Variants in SBF2 observed in about 807,000 individuals in gnomAD.
The protein encoded by SBF2 is SET binding factor 2.
Under a neutral mutation model 225.2 loss-of-function variants are expected in SBF2, and 112 were observed. That is an observed-to-expected ratio of 0.50 (90% CI 0.43 to 0.58). The LOEUF (loss-of-function observed/expected upper bound fraction) is 0.58. Ranked by LOEUF, SBF2 falls within the 20% of genes least tolerant of loss-of-function variation. The pLI, the probability that SBF2 is intolerant of heterozygous loss-of-function variation, is 0.00. For synonymous variants in SBF2, 763 were observed against 773.3 expected (o/e 0.99, Z 0.22); for missense variants, 1,996 against 2,206.2 (o/e 0.90, Z 1.91).
chr11:9,808,665 G>A, intron 31 of SBF2: 2 of 462,350 alleles, frequency 4.3e-6, no homozygotes, highest in Admixed American at 3.4e-5. Context: ...CCGCAAGCCT[G>A]CATGGTACAT....
intron 2 of SBF2, among the ~76,000 whole-genome samples, chr11:10,128,788 G>C (rs527487537): frequency 6.6e-6 from 1 of 152,298 alleles, no homozygotes; most frequent in Non-Finnish European, 1.5e-5. Context: ...TAAAAGTTGT[G>C]AATTTAGAAA....
chr11:10,212,740 T>C (rs1174053686), intron 1 of SBF2, among the ~76,000 whole-genome samples: 4 of 152,220 alleles, frequency 2.6e-5, no homozygotes, highest in African/African-American at 9.6e-5. Context: ...ATGCCTATCT[T>C]GAGTCTGATG....
intron 6 of SBF2, 47 bp downstream of exon 6, chr11:10,028,405 T>C (rs1565150185): frequency 8.5e-7 from 1 of 1,170,652 alleles, no homozygotes; most frequent in Non-Finnish European, 1.3e-6. Context: ...AATCCTTTAA[T>C]CATAGGCTTC....
At chr11:10,227,195 G>A (rs1193562893) in intron 1 of SBF2, among the ~76,000 whole-genome samples, 1 of 151,918 alleles carries the variant, frequency 6.6e-6, no homozygotes, top group Non-Finnish European at 1.5e-5. Flanking sequence ...AAATTTGTTT[G>A]AGTTCATTGT....
intron 32 of SBF2, among the ~76,000 whole-genome samples, chr11:9,800,205 C>T (rs1398914365): frequency 6.6e-6 from 1 of 151,804 alleles, no homozygotes. Flanking sequence ...CCACTGCACT[C>T]CAGCCTCAGG....
At chr11:10,282,268 G>A (rs1335154689) in intron 1 of SBF2, among the ~76,000 whole-genome samples, 1 of 151,996 alleles carries the variant, frequency 6.6e-6, no homozygotes. Context: ...TTAGTTTCCA[G>A]GCTGCCACTG....
Position 9,896,052 on chromosome 11 carries a change from C to T in SBF2, c.1861-41G>A, listed in dbSNP as rs372593520. Reference sequence around the variant, plus strand: ...AGACAAAAGAGCATTAGGATATTTACCAGAAATCACAAATACATGCGAACT... The same window carrying T: ...AGACAAAAGAGCATTAGGATATTTATCAGAAATCACAAATACATGCGAACT... On this transcript the variant is annotated intron_variant, in intron 16 of 39. Coordinates refer to ENST00000256190, the MANE Select transcript of SBF2 (RefSeq NM_030962.4). 2.7e-6 allele frequency: 4 copies of T among 1,480,904 alleles called. No homozygotes were observed. The African/African-American group carries it at 5.5e-5, about 20-fold the overall frequency. 91.7% of individuals were successfully genotyped at this position (1,480,904 alleles called of 1,614,324 possible). A position where few individuals can be genotyped will look rare whatever the true frequency, so the allele number is the denominator to read the frequency against.
intron 2 of SBF2, among the ~76,000 whole-genome samples, chr11:10,083,076 C>T (rs896232543): frequency 1.3e-5 from 2 of 152,164 alleles, no homozygotes; most frequent in African/African-American, 2.4e-5. Flanking sequence ...CATTTCTATA[C>T]ACCAATAACT....
At position 10,206,067 on chromosome 11, in the gene SBF2, T is replaced by C. The variant is rs563352668; in HGVS notation, c.56-12080A>G. Among the ~76,000 whole-genome samples, 4 of 151,780 alleles carry C rather than the reference T, an allele frequency of 2.6e-5. No individual in the cohort carries two copies. In the South Asian group the frequency reaches 6.3e-4, roughly 24 times the overall value. ...ATCTCTCATGTACTCCCCAGTGACA[T>C]CAGGGCAGTGAAATAGCACCAATAA... is the stretch of plus-strand genomic sequence containing the variant. On this transcript the variant is annotated intron_variant, in intron 1 of 39. Transcript: ENST00000256190.
At chr11:9,960,653 C>A (rs1053920620) in intron 16 of SBF2, 2 of 142,454 alleles carry the variant, frequency 1.4e-5, no homozygotes, top group African/African-American at 5.0e-5. Context: ...TCTACACTGT[C>A]TTAAATAATA....
At chr11:10,231,725 G>A (rs369465661) in intron 1 of SBF2, among the ~76,000 whole-genome samples, 4 of 152,196 alleles carry the variant, frequency 2.6e-5, no homozygotes, top group East Asian at 3.8e-4. Context: ...CCTACTGGGG[G>A]GTGCCTCCCA....
chr11:9,928,890 A>G, intron 16 of SBF2: 1 of 367,424 alleles, frequency 2.7e-6, no homozygotes. Context: ...CATGTTTTAG[A>G]CTATGAAAAT....
In SBF2 at chr11:9,812,593, A is replaced by C. The variant is rs960238401; in HGVS notation, c.4094T>G (p.Ile1365Ser). 3.7e-6 allele frequency: 6 copies of C among 1,614,084 alleles called. No homozygotes were observed. Among genetic ancestry groups the C allele is most frequent in the Non-Finnish European group, 5.1e-6 (6 of 1,180,034 alleles). ...KLMRACIPSTIPTDSEVTFLK... is the reference protein window; with the variant it reads ...KLMRACIPSTSPTDSEVTFLK... ...GAAGGTCACTTCTGAGTCAGTAGGG[A>C]TGGTGCTTGGGATACAAGCCCTCAT... is the stretch of plus-strand genomic sequence containing the variant. Residue 1365 changes from isoleucine (I) to serine (S), a missense_variant, in exon 30 of 40, where the codon ATC becomes AGC. Transcript: ENST00000256190.
upstream of SBF2, among the ~76,000 whole-genome samples, chr11:10,297,478 G>A (rs1462298537): frequency 6.6e-6 from 1 of 152,128 alleles, no homozygotes; most frequent in Non-Finnish European, 1.5e-5. Flanking sequence ...CCATATTAAA[G>A]GTGAGATGAA....
At chr11:9,960,715 AG>A (rs1866510827) in intron 16 of SBF2, 1 of 152,192 alleles carries the variant, frequency 6.6e-6, no homozygotes, top group African/African-American at 2.4e-5. Context: ...CCCAGGCTGG[AG>A]TGCAGTGGCA....
At chr11:9,851,915 T>C (rs1261766172) in intron 21 of SBF2, among the ~76,000 whole-genome samples, 1 of 152,172 alleles carries the variant, frequency 6.6e-6, no homozygotes, top group Non-Finnish European at 1.5e-5. Flanking sequence ...GGACTACAGA[T>C]AACACCACCA....
chr11:10,170,179 A>C (rs186642304), intron 2 of SBF2, among the ~76,000 whole-genome samples: 131 of 152,192 alleles, frequency 8.6e-4, no homozygotes, highest in Non-Finnish European at 1.4e-3. Flanking sequence ...GTCTGTGCTT[A>C]TGGGGTATTA....
chr11:10,246,025 T>C (rs752349268), intron 1 of SBF2, among the ~76,000 whole-genome samples: 3 of 152,320 alleles, frequency 2.0e-5, no homozygotes, highest in Non-Finnish European at 2.9e-5. Context: ...GTTACAGTTA[T>C]ACACGTGAAT....
chr11:9,934,670 G>A (rs1258182422), intron 16 of SBF2, among the ~76,000 whole-genome samples: 5 of 152,148 alleles, frequency 3.3e-5, no homozygotes, highest in African/African-American at 1.2e-4. Context: ...ATCAATAAAT[G>A]TAATCTATCA....
Sources: gnomAD v4.1 joint callset for allele counts (sites outside exome capture counted in the v4.1 genomes callset) on GRCh38, gnomAD v4.1.1 for gene constraint, MANE v1.5 for transcripts, NCBI Gene and HGNC (gene_info 2026-07-23, HGNC 2026-07-21) for gene names.